Variants in NDUFS2 observed in about 807,000 individuals in gnomAD.
NDUFS2 encodes the protein NADH dehydrogenase [ubiquinone] iron-sulfur protein 2, mitochondrial.
Under a neutral mutation model 69.6 loss-of-function variants are expected in NDUFS2, and 38 were observed. That is an observed-to-expected ratio of 0.55 (90% CI 0.42 to 0.72). NDUFS2 has a LOEUF of 0.72. NDUFS2 is among the 30% of genes least tolerant of loss of function. NDUFS2 has a pLI of 0.00. For synonymous variants in NDUFS2, 194 were observed against 211.2 expected (o/e 0.92, Z 0.70); for missense variants, 468 against 595.0 (o/e 0.79, Z 2.22).
At chr1:161,213,615 T>A (rs745959594) in intron 11 of NDUFS2, 34 bp from the exon 12 acceptor site, 1 of 1,607,916 alleles carries the variant, frequency 6.2e-7, no homozygotes, top group Non-Finnish European at 8.5e-7. Context: ...ACTCTTCATG[T>A]TAATACAGAC....
At chr1:161,213,967 C>A in intron 13 of NDUFS2, 46 bp downstream of exon 13, 2 of 1,613,964 alleles carry the variant, frequency 1.2e-6, no homozygotes, top group Non-Finnish European at 1.7e-6. Context: ...CAAAGGAGTT[C>A]GGGACGCCCA....
chr1:161,201,561 T>C (rs982079071), upstream of NDUFS2, among the ~76,000 whole-genome samples: 1 of 152,228 alleles, frequency 6.6e-6, no homozygotes, highest in South Asian at 2.1e-4. Context: ...TGTTGGCCAT[T>C]ACCCAGGAGG....
At chr1:161,212,213 C>A in intron 9 of NDUFS2, 138 bp from the exon 10 acceptor site, 2 of 1,118,474 alleles carry the variant, frequency 1.8e-6, no homozygotes, top group Non-Finnish European at 2.6e-6. Flanking sequence ...GTGGCCAAGC[C>A]AAGCAGAGAT....
upstream of NDUFS2, chr1:161,198,998 T>G: frequency 4.8e-6 from 1 of 208,362 alleles, no homozygotes; most frequent in Non-Finnish European, 9.6e-6. This position sits in a 1 kb window ranked among gnomAD's most constrained non-coding sequence, Gnocchi z 4.7. Context: ...CTCTGTCTCT[T>G]TCCTCCTCTG....
upstream of NDUFS2, among the ~76,000 whole-genome samples, chr1:161,200,632 T>C (rs1665074576): frequency 6.6e-6 from 1 of 152,042 alleles, no homozygotes. Context: ...ACCCACCCCC[T>C]TGTGACTGCC....
At chr1:161,210,842 T>A in intron 9 of NDUFS2, 132 bp downstream of exon 9, 1 of 1,359,658 alleles carries the variant, frequency 7.4e-7, no homozygotes, top group East Asian at 2.4e-5. Context: ...ACGAGGTTGC[T>A]CTCAAAACAC....
intron 1 of NDUFS2, among the ~76,000 whole-genome samples, 199 bp from the exon 2 acceptor site, chr1:161,203,238 G>A (rs891446956): frequency 1.4e-4 from 21 of 152,098 alleles, no homozygotes; most frequent in Non-Finnish European, 3.1e-4. Flanking sequence ...CCCGGGAGGC[G>A]GAGGTTTCAG....
intron 3 of NDUFS2, 51 bp downstream of exon 3, chr1:161,206,648 C>G: frequency 6.3e-7 from 1 of 1,594,574 alleles, no homozygotes; most frequent in East Asian, 2.3e-5. Flanking sequence ...TTGCTTTAGC[C>G]TGGGGCTTTG....
At chr1:161,208,044 G>A (rs1254366721) in intron 3 of NDUFS2, among the ~76,000 whole-genome samples, 1 of 139,588 alleles carries the variant, frequency 7.2e-6, no homozygotes, top group Non-Finnish European at 1.5e-5. Context: ...GAGTGCAATA[G>A]TGTGATCTTG....
chr1:161,198,348 G>A (rs747959527), upstream of NDUFS2: 1 of 1,613,286 alleles, frequency 6.2e-7, no homozygotes, highest in Non-Finnish European at 8.5e-7. This position sits in a 1 kb window ranked among gnomAD's most constrained non-coding sequence, Gnocchi z 4.7. Flanking sequence ...TCCAGCTCTA[G>A]TAGCAGCGTC....
chr1:161,210,837 G>A, intron 9 of NDUFS2, 127 bp downstream of exon 9: 1 of 1,432,144 alleles, frequency 7.0e-7, no homozygotes, highest in South Asian at 1.2e-5. Context: ...GTTAGACGAG[G>A]TTGCTCTCAA....
At chr1:161,212,530 G>A (rs766133365) in intron 10 of NDUFS2, 50 bp downstream of exon 10, 19 of 1,602,136 alleles carry the variant, frequency 1.2e-5, no homozygotes, top group Non-Finnish European at 1.5e-5. Context: ...GGGGCCAGTG[G>A]CTGGGGAGGA....
chr1:161,203,328 A>C (rs1665261899), intron 1 of NDUFS2, 109 bp from the exon 2 acceptor site: 2 of 949,654 alleles, frequency 2.1e-6, no homozygotes, highest in Admixed American at 2.0e-5. Context: ...AAAACAAAAC[A>C]AAACAAAAAA....
chr1:161,209,442 G>A, intron 4 of NDUFS2, 41 bp from the exon 5 acceptor site: 1 of 1,610,802 alleles, frequency 6.2e-7, no homozygotes, highest in Non-Finnish European at 8.5e-7. Flanking sequence ...GTCCGCCTCA[G>A]TGCTTGGCTC....
upstream of NDUFS2, chr1:161,202,029 C>G (rs1367160986): frequency 2.5e-6 from 1 of 400,584 alleles, no homozygotes. Context: ...GCGGCCAAGG[C>G]GGAAGGGAGT....
At chr1:161,209,158 T>A (rs780821552) in intron 3 of NDUFS2, 35 bp from the exon 4 acceptor site, 1 of 1,613,826 alleles carries the variant, frequency 6.2e-7, no homozygotes, top group African/African-American at 1.3e-5. Context: ...CTCCTGAGCC[T>A]GTTAGATGTG....
rs10629771 is a variant in NDUFS2 at position 161,214,269 on chromosome 1, CTGTGTGTG to C, written c.*100_*107del. 5.6e-5 allele frequency: 50 copies of C among 896,460 alleles called. 1 individual carries two copies. Among genetic ancestry groups the C allele is most frequent in the South Asian group, 1.4e-4 (10 of 70,728 alleles). The allele number at this position is 896,460 out of a possible 1,614,324, so 55.5% of individuals were successfully genotyped here. On this transcript the variant is annotated 3_prime_UTR_variant, in exon 14 of 14. Coordinates refer to ENST00000676972, the MANE Select transcript of NDUFS2 (RefSeq NM_001377299.1). ...CCTGTTCCTCACTGGAAATTGGCCT[CTGTGTGTG>C]TGTGTGTGTGTGTGTGTGTGTGTAT...
At chr1:161,198,343 C>G, upstream of NDUFS2, 2 of 1,613,366 alleles carry the variant, frequency 1.2e-6, no homozygotes, top group Non-Finnish European at 1.7e-6. The surrounding 1 kb of genome is among the most constrained non-coding windows in gnomAD (Gnocchi z 4.7). Context: ...CCTGCTCCAG[C>G]TCTAGTAGCA....
chr1:161,211,100 C>A (rs999823994), intron 9 of NDUFS2, among the ~76,000 whole-genome samples: 1 of 152,172 alleles, frequency 6.6e-6, no homozygotes, highest in African/African-American at 2.4e-5. Context: ...GTCTCAAGCT[C>A]CTGACCTCAG....
Sources: allele counts gnomAD v4.1 joint callset (sites outside exome capture counted in the v4.1 genomes callset), GRCh38; gene constraint gnomAD v4.1.1; non-coding constraint Gnocchi (gnomAD v3.1); transcripts MANE v1.5; gene names NCBI Gene and HGNC (gene_info 2026-07-23, HGNC 2026-07-21).